Variants in FBXO33 observed in about 807,000 individuals in gnomAD.
FBXO33 encodes F-box only protein 33.
Under a neutral mutation model 46.3 loss-of-function variants are expected in FBXO33, and 22 were observed. That is an observed-to-expected ratio of 0.48 (90% CI 0.34 to 0.68). FBXO33 has a LOEUF of 0.68. Among genes scored for constraint, FBXO33 ranks in the 30% least tolerant of loss-of-function variants. The probability of loss-of-function intolerance (pLI) is 0.01; values close to 1 mark genes in which losing one functional copy is unlikely to be tolerated. For synonymous variants in FBXO33, 337 were observed against 291.3 expected (o/e 1.16, Z -1.60); for missense variants, 692 against 708.8 (o/e 0.98, Z 0.27).
chr14:39,405,473 A>C (rs146290756), intron 1 of FBXO33, among the ~76,000 whole-genome samples: 46 of 144,810 alleles, frequency 3.2e-4, no homozygotes, highest in African/African-American at 9.7e-4. Context: ...GGAATATTAG[A>C]AATGAAAATC....
chr14:39,428,223 T>G (rs1193161531), intron 1 of FBXO33, among the ~76,000 whole-genome samples: 3 of 152,154 alleles, frequency 2.0e-5, no homozygotes, highest in African/African-American at 4.8e-5. Flanking sequence ...AATTTTTTTT[T>G]GAGACGGAGT....
At chr14:39,401,105 T>C (rs2075366599) in intron 3 of FBXO33, 71 bp downstream of exon 3, 1 of 1,359,150 alleles carries the variant, frequency 7.4e-7, no homozygotes, top group Non-Finnish European at 1.0e-6. Flanking sequence ...AGGTCAGTGC[T>C]ATCTCTTTAC....
In FBXO33 at chr14:39,401,834, C is replaced by T. The variant is rs575056327; in HGVS notation, c.738G>A (p.Leu246=). The T allele has an allele frequency of 1.3e-4, 213 of 1,612,946 alleles. 3 individuals are homozygous for T. In the South Asian group the frequency reaches 2.0e-3, roughly 15 times the overall value. ...GCCATTTCAGTTGCCTACTATTACT[C>T]AGGATTTCTTCAAACAGTTGCTGAA... The part of the protein sequence containing the change: ...KQIQQLFEEI[L]SNSRQLKWLS... The change falls in exon 3 of 4, where the codon CTG becomes CTA. Residue 246 remains leucine, a synonymous_variant. Coordinates refer to ENST00000298097, the MANE Select transcript of FBXO33 (RefSeq NM_203301.4).
chr14:39,429,161 T>C (rs1017862115), intron 1 of FBXO33, among the ~76,000 whole-genome samples: 1 of 152,234 alleles, frequency 6.6e-6, no homozygotes, highest in African/African-American at 2.4e-5. Flanking sequence ...TTCAAGTTTA[T>C]ACTTTTAATT....
chr14:39,422,387 A>C (rs2075489521), intron 1 of FBXO33, among the ~76,000 whole-genome samples: 1 of 152,228 alleles, frequency 6.6e-6, no homozygotes, highest in African/African-American at 2.4e-5. Context: ...AACTCTGCTC[A>C]TTGCTTCCAC....
intron 1 of FBXO33, among the ~76,000 whole-genome samples, chr14:39,405,539 A>G (rs1164781317): frequency 6.6e-5 from 10 of 152,062 alleles, no homozygotes; most frequent in Non-Finnish European, 1.5e-4. Flanking sequence ...AATGAGCACT[A>G]TTTTGCACAT....
intron 1 of FBXO33, among the ~76,000 whole-genome samples, chr14:39,403,880 C>T (rs2075380408): frequency 6.6e-6 from 1 of 151,272 alleles, no homozygotes; most frequent in East Asian, 2.0e-4. Flanking sequence ...CGGCTCACTG[C>T]AGCCTCAACC....
chr14:39,427,283 T>C (rs1290966130), intron 1 of FBXO33, among the ~76,000 whole-genome samples: 1 of 152,186 alleles, frequency 6.6e-6, no homozygotes, highest in Admixed American at 6.5e-5. Flanking sequence ...AGGAGGTTAG[T>C]TTCTTTAGCT....
chr14:39,408,861 G>C (rs2075410256), intron 1 of FBXO33, among the ~76,000 whole-genome samples: 1 of 151,728 alleles, frequency 6.6e-6, no homozygotes, highest in African/African-American at 2.4e-5. Flanking sequence ...CTGTAGCCTT[G>C]ATCTCCTGGG....
intron 1 of FBXO33, 90 bp downstream of exon 1, chr14:39,431,474 G>C (rs962653791): frequency 1.3e-6 from 2 of 1,576,396 alleles, no homozygotes; most frequent in East Asian, 2.3e-5. Context: ...GAAGTTGGCC[G>C]GGCACGTATT....
rs751213002 is a variant in FBXO33, at chr14:39,399,678, C to T, written c.1506G>A (p.Leu502=). 6.2e-7 allele frequency: 1 copy of T among 1,614,054 alleles called. No individual in the cohort carries two copies. The change falls in exon 4 of 4, where the codon CTG becomes CTA. Residue 502 remains leucine, a synonymous_variant. Transcript: ENST00000298097. ...GCACTGGATCTACATCCTGGTCGGC[C>T]AGTTCACCTTGGTCAAAATCAATGC... is the stretch of plus-strand genomic sequence containing the variant. ...EESIDFDQGE[L]ADQDVDPVHN...
At position 39,401,158 on chromosome 14, in the gene FBXO33, A is replaced by T; in HGVS notation, c.1396+18T>A. The T allele has an allele frequency of 6.4e-7, 1 of 1,553,908 alleles. No individual in the cohort carries two copies. Among genetic ancestry groups the T allele is most frequent in the Non-Finnish European group, 8.7e-7 (1 of 1,155,020 alleles). ...GGTCTAATTCCAGTATCAGATTACA[A>T]TGAACAAGATCACCTACCATGAATT... On this transcript the variant is annotated intron_variant, in intron 3 of 3. Transcript: ENST00000298097.
At chr14:39,408,187 T>G (rs1368532189) in intron 1 of FBXO33, among the ~76,000 whole-genome samples, 4 of 152,028 alleles carry the variant, frequency 2.6e-5, no homozygotes, top group Non-Finnish European at 5.9e-5. Flanking sequence ...TCAACCAATC[T>G]GCCCATCTCA....
Position 39,399,468 on chromosome 14 carries a change from G to A in FBXO33, c.*48C>T, listed in dbSNP as rs1262361080. 6.6e-7 allele frequency: 1 copy of A among 1,526,042 alleles called. No individual in the cohort carries two copies. The allele number at this position is 1,526,042 out of a possible 1,614,324, so 94.5% of individuals were successfully genotyped here. A position where few individuals can be genotyped will look rare whatever the true frequency, so the allele number is the denominator to read the frequency against. On this transcript the variant is annotated 3_prime_UTR_variant, in exon 4 of 4. Coordinates refer to ENST00000298097, the MANE Select transcript of FBXO33 (RefSeq NM_203301.4). ...ACACTACTGAAAAAAAAACATAATA[G>A]GACCCTACTTGCATATGTAACCACA...
chr14:39,427,793 T>C (rs1464766980), intron 1 of FBXO33, among the ~76,000 whole-genome samples: 1 of 151,770 alleles, frequency 6.6e-6, no homozygotes, highest in African/African-American at 2.4e-5. Context: ...TAAAAAAATA[T>C]ATATATCAGC....
Position 39,431,820 on chromosome 14 carries a change from G to C in FBXO33, c.343C>G (p.Leu115Val). 1 of 1,609,932 alleles carries C rather than the reference G, an allele frequency of 6.2e-7. No homozygotes were observed. The highest frequency in any genetic ancestry group is 8.5e-7 in the Non-Finnish European group (1 of 1,179,666). ...PALWPQLRIC[L>V]RVSPAEQPRL... ...GGCTGCTCCGCGGGCGAGACGCGGA[G>C]GCAGATGCGGAGCTGGGGCCACAGG... Residue 115 changes from leucine to valine, a missense_variant, in exon 1 of 4, where the codon CTC becomes GTC. Physicochemically the swap from Leu to Val is conservative, Grantham distance 32. This residue lies in a region of FBXO33 where 412 missense variants were observed against 370.8 expected (regional missense o/e 1.11). Coordinates refer to ENST00000298097, the MANE Select transcript of FBXO33 (RefSeq NM_203301.4).
chr14:39,420,560 A>T (rs577855722), intron 1 of FBXO33, among the ~76,000 whole-genome samples: 4 of 151,992 alleles, frequency 2.6e-5, no homozygotes, highest in Non-Finnish European at 4.4e-5. Context: ...GGTGGTGGGC[A>T]CCTGTATGTA....
intron 1 of FBXO33, among the ~76,000 whole-genome samples, chr14:39,414,432 CAT>C (rs2075438080): frequency 6.6e-6 from 1 of 152,238 alleles, no homozygotes; most frequent in Non-Finnish European, 1.5e-5. Flanking sequence ...TCTTATCACT[CAT>C]GTGATAGATG....
At position 39,421,104 on chromosome 14, in the gene FBXO33, C is replaced by T. The variant is rs566625620; in HGVS notation, c.599+10460G>A. Among the ~76,000 whole-genome samples the T allele has an allele frequency of 3.9e-5, 6 of 151,918 alleles. No individual in the cohort carries two copies. The South Asian group carries it at 1.0e-3, about 26-fold the overall frequency. ...CTATGTGTAGATTCTAATAGGACAT[C>T]GGTATGAAGGTGGGTGGCTTGAGAA... On this transcript the variant is annotated intron_variant, in intron 1 of 3. Transcript: ENST00000298097.
Sources: gnomAD v4.1 joint callset for allele counts (sites outside exome capture counted in the v4.1 genomes callset) on GRCh38, gnomAD v4.1.1 for gene constraint, gnomAD v4.1.1 regional missense constraint, MANE v1.5 for transcripts, NCBI Gene and HGNC (gene_info 2026-07-23, HGNC 2026-07-21) for gene names.